Variants in NAALADL2 observed in about 807,000 individuals in gnomAD.
NAALADL2 encodes N-acetylated alpha-linked acidic dipeptidase like 2.
In NAALADL2, 76 loss-of-function variants were observed where a neutral mutation model predicts 87.2. That is an observed-to-expected ratio of 0.87 (90% CI 0.72 to 1.05). The LOEUF is 1.05. Ranked by LOEUF, NAALADL2 falls within the 50% of genes least tolerant of loss-of-function variation. The pLI is 0.00. For missense variants in NAALADL2, 1,089 were observed against 945.8 expected, an observed-to-expected ratio of 1.15 and a Z score of -1.99; for synonymous variants, 354 against 331.0, an observed-to-expected ratio of 1.07 and a Z score of -0.75.
chr3:175,635,276 G>C (rs1728356485), intron 11 of NAALADL2, among the ~76,000 whole-genome samples: 1 of 151,850 alleles, frequency 6.6e-6, no homozygotes, highest in Admixed American at 6.6e-5. Flanking sequence ...ATATGTGATT[G>C]TCAAAATTTG....
chr3:175,367,597 A>G (rs945064599), intron 5 of NAALADL2, among the ~76,000 whole-genome samples: 5 of 152,082 alleles, frequency 3.3e-5, no homozygotes, highest in Non-Finnish European at 5.9e-5. Flanking sequence ...TTGGATTCCT[A>G]AGTATTTTAT....
intron 2 of NAALADL2, among the ~76,000 whole-genome samples, chr3:175,207,663 C>A (rs1047072980): frequency 3.9e-5 from 6 of 152,100 alleles, no homozygotes; most frequent in Non-Finnish European, 7.4e-5. Context: ...GTTTTCCCTT[C>A]TTTGATTATT....
At chr3:174,479,319 G>A (rs1454559419) in intron 1 of NAALADL2, among the ~76,000 whole-genome samples, 1 of 152,070 alleles carries the variant, frequency 6.6e-6, no homozygotes, top group Non-Finnish European at 1.5e-5. Flanking sequence ...CTTAATTTGA[G>A]TCAAGTAATA....
rs139409438 is a variant in NAALADL2, at chr3:174,844,702, T to A, written c.-9+106956T>A. Among the ~76,000 whole-genome samples, 4 of 138,606 alleles carry A rather than the reference T, an allele frequency of 2.9e-5. No homozygotes were observed. In the East Asian group the frequency reaches 6.9e-4, roughly 24 times the overall value. 90.9% of individuals were successfully genotyped at this position (138,606 alleles called of 152,430 possible). A position where few individuals can be genotyped will look rare whatever the true frequency, so the allele number is the denominator to read the frequency against. Reference sequence around the variant, plus strand: ...TATTTTATAATTTTCAGTGGAGAGATCTTTTACTTCCTTGCTTATTTTCTT... The same window carrying A: ...TATTTTATAATTTTCAGTGGAGAGAACTTTTACTTCCTTGCTTATTTTCTT... On this transcript the variant is annotated intron_variant, in intron 3 of 3. Coordinates refer to the NAALADL2 transcript ENST00000434257.
rs28635369 is a variant in NAALADL2 at position 174,459,825 on chromosome 3, G to A, written c.-184+18793G>A. On this transcript the variant is annotated intron_variant, in intron 1 of 3. Coordinates refer to the NAALADL2 transcript ENST00000434257. ...AAACTACCTGGATGTTATATTGTAT[G>A]TGCTGTATAATTATGAAATGATGTG... 5.3e-3 allele frequency: 807 copies of A among 152,204 alleles called. 9 individuals are homozygous for A. The highest frequency in any genetic ancestry group is 0.019 in the African/African-American group (770 of 41,534). The allele number at this position is 152,204 out of a possible 1,614,324, so 9.4% of individuals were successfully genotyped here.
chr3:174,549,528 A>G (rs528037074), intron 1 of NAALADL2, among the ~76,000 whole-genome samples: 2 of 152,326 alleles, frequency 1.3e-5, no homozygotes, highest in Non-Finnish European at 2.9e-5. Flanking sequence ...TGTTTATTCA[A>G]TAATTGTAAC....
intron 5 of NAALADL2, among the ~76,000 whole-genome samples, chr3:175,392,276 C>T (rs540648316): frequency 6.6e-6 from 1 of 152,138 alleles, no homozygotes; most frequent in Non-Finnish European, 1.5e-5. Context: ...ATGAACACTA[C>T]TTAGAAACGT....
chr3:174,590,746 A>T (rs1347397436), intron 2 of NAALADL2, among the ~76,000 whole-genome samples: 1 of 152,190 alleles, frequency 6.6e-6, no homozygotes, highest in African/African-American at 2.4e-5. Flanking sequence ...CAGGCACAGT[A>T]ACAGTACTAA....
chr3:175,568,477 C>A (rs1717564054), intron 9 of NAALADL2, among the ~76,000 whole-genome samples: 1 of 152,166 alleles, frequency 6.6e-6, no homozygotes, highest in African/African-American at 2.4e-5. Flanking sequence ...TAGTTTATTC[C>A]CATGCGTTAA....
At chr3:174,606,969 C>T (rs113451308) in intron 2 of NAALADL2, among the ~76,000 whole-genome samples, 29 of 152,122 alleles carry the variant, frequency 1.9e-4, no homozygotes, top group East Asian at 1.4e-3. Flanking sequence ...GCGGATCTCT[C>T]GGCAGAAACT....
chr3:175,503,813 T>C (rs1410198411), intron 9 of NAALADL2, among the ~76,000 whole-genome samples: 1 of 152,324 alleles, frequency 6.6e-6, no homozygotes, highest in East Asian at 1.9e-4. Flanking sequence ...AAGTTCCTTA[T>C]AGATTCTGGA....
At chr3:174,772,856 T>C (rs570219216) in intron 3 of NAALADL2, among the ~76,000 whole-genome samples, 47 of 152,306 alleles carry the variant, frequency 3.1e-4, no homozygotes, top group African/African-American at 1.1e-3. Context: ...TGACAGAGAA[T>C]GTGGCAAAAA....
intron 10 of NAALADL2, among the ~76,000 whole-genome samples, chr3:175,593,426 A>C (rs575542584): frequency 6.6e-6 from 1 of 152,150 alleles, no homozygotes; most frequent in Admixed American, 6.6e-5. Context: ...GTGTAGAACC[A>C]TGAAACAGGA....
chr3:174,528,085 CTATTAATATATTTTATTAT>C lies in NAALADL2; in HGVS notation c.-183-22483_-183-22465del, dbSNP rs527660926. ...TGGCCAGAAAAGCCAAAAATATTTA[CTATTAATATATTTTATTAT>C]AAAAAGCTTGTGAATCTAAATTCAC... On this transcript the variant is annotated intron_variant, in intron 1 of 3. Transcript: ENST00000434257. Among the ~76,000 whole-genome samples, 63 of 152,208 alleles carry C rather than the reference CTATTAATATATTTTATTAT, an allele frequency of 4.1e-4. No individual in the cohort carries two copies. In the East Asian group the frequency reaches 0.012, roughly 29 times the overall value.
chr3:175,538,363 A>G (rs1487995264), intron 9 of NAALADL2, among the ~76,000 whole-genome samples: 2 of 152,010 alleles, frequency 1.3e-5, no homozygotes, highest in Non-Finnish European at 2.9e-5. Flanking sequence ...CCTTAAGTAA[A>G]GTGCACATTT....
chr3:175,476,452 A>G (rs749146734), intron 9 of NAALADL2, among the ~76,000 whole-genome samples: 1 of 152,206 alleles, frequency 6.6e-6, no homozygotes, highest in African/African-American at 2.4e-5. Flanking sequence ...AAGGGAAAAT[A>G]TGATTGGTTT....
chr3:174,635,215 G>A (rs146426526), intron 2 of NAALADL2, among the ~76,000 whole-genome samples: 10 of 152,168 alleles, frequency 6.6e-5, no homozygotes, highest in African/African-American at 9.6e-5. Flanking sequence ...ATATTCATTG[G>A]CATCGTATAG....
At chr3:174,931,813 T>C (rs539125611) in intron 1 of NAALADL2, among the ~76,000 whole-genome samples, 1 of 152,312 alleles carries the variant, frequency 6.6e-6, no homozygotes, top group African/African-American at 2.4e-5. Context: ...CTAGATCCTA[T>C]GGTGTGAGGA....
At chr3:175,445,444 T>C (rs1720534009) in intron 5 of NAALADL2, among the ~76,000 whole-genome samples, 1 of 152,138 alleles carries the variant, frequency 6.6e-6, no homozygotes, top group Non-Finnish European at 1.5e-5. Flanking sequence ...AAATATGTAA[T>C]TGTTTTTAAC....
Sources: gnomAD v4.1 joint callset for allele counts (sites outside exome capture counted in the v4.1 genomes callset) on GRCh38, gnomAD v4.1.1 for gene constraint, MANE v1.5 for transcripts, NCBI Gene and HGNC (gene_info 2026-07-23, HGNC 2026-07-21) for gene names.